Variants in MRTFA observed in about 807,000 individuals in gnomAD.
The protein encoded by MRTFA is myocardin-related transcription factor A.
In MRTFA, 20 loss-of-function variants were observed where a neutral mutation model predicts 83.5. That is an observed-to-expected ratio of 0.24 (90% confidence interval 0.17 to 0.35). MRTFA has a LOEUF of 0.35. MRTFA is among the 10% of genes least tolerant of loss of function. MRTFA has a pLI of 1.00. For synonymous variants in MRTFA, 659 were observed against 541.2 expected (o/e 1.22, Z -3.02); for missense variants, 1,200 against 1,224.7 (o/e 0.98, Z 0.30).
chr22:40,419,266 G>A lies in MRTFA; in HGVS notation c.1472C>T (p.Pro491Leu), dbSNP rs1391803001. ...GATAGAGGTGGCGGCAGGGGCCTTG[G>A]GGGCTCCTGGCACAGGGCTGATTTG... The change falls in exon 12 of 15, where the codon CCC becomes CTC. Residue 491 changes from proline to leucine, a missense_variant. Transcript: ENST00000355630. 32 of 1,613,080 alleles carry A rather than the reference G, an allele frequency of 2.0e-5. No individual in the cohort carries two copies. The highest frequency in any genetic ancestry group is 3.3e-5 in the South Asian group (3 of 90,928).
intron 13 of MRTFA, 132 bp downstream of exon 13, chr22:40,417,209 T>A: frequency 7.2e-7 from 1 of 1,397,554 alleles, no homozygotes; most frequent in East Asian, 2.5e-5. Flanking sequence ...AACAACCCAC[T>A]CCCCAAGGCC....
intron 2 of MRTFA, among the ~76,000 whole-genome samples, chr22:40,589,804 G>A (rs908754697): frequency 1.3e-5 from 2 of 152,044 alleles, no homozygotes; most frequent in African/African-American, 2.4e-5. Context: ...CGAGGCAGGC[G>A]AATCACAAGG....
rs192918478 is a variant in MRTFA, at chr22:40,524,611, G to C, written c.241+27495C>G. ...CAAACTCAACTGGTCAGAGGGAACA[G>C]TTTAATGAGATGGAGTGCCTCCTTA... is the stretch of plus-strand genomic sequence containing the variant. On this transcript the variant is annotated intron_variant, in intron 3 of 14. Coordinates refer to ENST00000355630, the MANE Select transcript of MRTFA (RefSeq NM_020831.6). Among the ~76,000 whole-genome samples the C allele has an allele frequency of 3.7e-3, 562 of 152,320 alleles. 3 individuals carry two copies. The highest frequency in any genetic ancestry group is 5.5e-3 in the Non-Finnish European group (374 of 68,006).
At chr22:40,541,064 A>G (rs980872548) in intron 3 of MRTFA, among the ~76,000 whole-genome samples, 2 of 152,182 alleles carry the variant, frequency 1.3e-5, no homozygotes, top group Non-Finnish European at 2.9e-5. Flanking sequence ...AGTTAACATA[A>G]ACAAAGACAT....
chr22:40,568,892 T>C (rs140218713), intron 2 of MRTFA, among the ~76,000 whole-genome samples: 2 of 152,320 alleles, frequency 1.3e-5, no homozygotes, highest in African/African-American at 4.8e-5. Flanking sequence ...CACACCAGCA[T>C]GAAAATCTTC....
At chr22:40,574,937 G>A (rs1247680342) in intron 2 of MRTFA, among the ~76,000 whole-genome samples, 1 of 152,048 alleles carries the variant, frequency 6.6e-6, no homozygotes, top group South Asian at 2.1e-4. Flanking sequence ...GTGAAATCAG[G>A]GACCACCAGC....
chr22:40,611,931 A>G (rs1296747053), intron 1 of MRTFA, among the ~76,000 whole-genome samples: 1 of 152,220 alleles, frequency 6.6e-6, no homozygotes, highest in African/African-American at 2.4e-5. Flanking sequence ...CTATACCAGA[A>G]TATGTGGAAA....
At chr22:40,530,655 A>G (rs1041435706) in intron 3 of MRTFA, among the ~76,000 whole-genome samples, 2 of 152,278 alleles carry the variant, frequency 1.3e-5, no homozygotes, top group Admixed American at 6.5e-5. Context: ...ATATGTTTCC[A>G]TAGTAGTGAG....
intron 2 of MRTFA, among the ~76,000 whole-genome samples, chr22:40,585,040 G>A (rs1271451157): frequency 2.0e-5 from 3 of 151,940 alleles, no homozygotes; most frequent in South Asian, 2.1e-4. Context: ...AACAAGACTC[G>A]GTCTCAAAAA....
At chr22:40,559,573 T>C (rs137884059) in intron 2 of MRTFA, among the ~76,000 whole-genome samples, 87 of 152,096 alleles carry the variant, frequency 5.7e-4, no homozygotes, top group Middle Eastern at 3.4e-3. Flanking sequence ...CACCTGACTA[T>C]TTTTTCACTT....
chr22:40,513,602 C>CAAAA (rs111580647), intron 3 of MRTFA, among the ~76,000 whole-genome samples: 79 of 65,896 alleles, frequency 1.2e-3, no homozygotes, highest in East Asian at 3.1e-3. Context: ...GACTCCATCT[C>CAAAA]AAAAAAAAAA....
At chr22:40,628,731 C>T (rs968265229) in intron 1 of MRTFA, among the ~76,000 whole-genome samples, 7 of 152,162 alleles carry the variant, frequency 4.6e-5, no homozygotes, top group African/African-American at 1.7e-4. Context: ...CTATATGAGC[C>T]GGCCTTAAAT....
intron 14 of MRTFA, chr22:40,412,563 G>A (rs1444951965): frequency 6.6e-6 from 1 of 152,230 alleles, no homozygotes; most frequent in African/African-American, 2.4e-5. Context: ...GTAGAATGTG[G>A]AAGCAACCTA....
chr22:40,606,077 G>A (rs2056315951), intron 1 of MRTFA, among the ~76,000 whole-genome samples: 2 of 152,078 alleles, frequency 1.3e-5, no homozygotes, highest in South Asian at 4.1e-4. Flanking sequence ...CTATGTTCCA[G>A]GTGGGGACTC....
chr22:40,614,688 T>C (rs2056429126), intron 1 of MRTFA, among the ~76,000 whole-genome samples: 1 of 152,120 alleles, frequency 6.6e-6, no homozygotes, highest in Admixed American at 6.6e-5. Context: ...GGTTTCTCCA[T>C]GTTGGTCAGG....
chr22:40,431,107 T>G (rs2053060846), intron 6 of MRTFA, among the ~76,000 whole-genome samples: 1 of 152,200 alleles, frequency 6.6e-6, no homozygotes, highest in Admixed American at 6.5e-5. Flanking sequence ...AGAGTCAGAC[T>G]GTGTCTTAAA....
chr22:40,537,019 G>A (rs2055192568), intron 3 of MRTFA, among the ~76,000 whole-genome samples: 1 of 89,960 alleles, frequency 1.1e-5, no homozygotes, highest in African/African-American at 4.5e-5. Context: ...AGGTGGGGGG[G>A]GGTCAGCCCC....
chr22:40,565,310 G>A (rs373700644), intron 2 of MRTFA, among the ~76,000 whole-genome samples: 75 of 152,272 alleles, frequency 4.9e-4, no homozygotes, highest in African/African-American at 1.7e-3. Flanking sequence ...ACTTTGGGAG[G>A]CCAAGGCGGG....
intron 8 of MRTFA, 152 bp downstream of exon 8, chr22:40,424,054 G>A: frequency 9.2e-6 from 8 of 868,630 alleles, no homozygotes; most frequent in South Asian, 2.0e-5. Context: ...CCACCGGGGA[G>A]CTCAAGCAGC....
Sources: gnomAD v4.1 joint callset for allele counts (sites outside exome capture counted in the v4.1 genomes callset) on GRCh38, gnomAD v4.1.1 for gene constraint, MANE v1.5 for transcripts, NCBI Gene and HGNC (gene_info 2026-07-23, HGNC 2026-07-21) for gene names.